Variants in KITLG observed in about 807,000 individuals in gnomAD.
KITLG encodes c-Kit ligand.
A neutral mutation model predicts 34.1 loss-of-function variants in KITLG; 13 were observed. The observed-to-expected ratio is 0.38, with a 90% CI of 0.25 to 0.61. The LOEUF (loss-of-function observed/expected upper bound fraction) is 0.61. Among genes scored for constraint, KITLG ranks in the 20% least tolerant of loss-of-function variants. The pLI is 0.60. For synonymous variants in KITLG, 110 were observed against 104.0 expected (o/e 1.06, Z -0.35); for missense variants, 292 against 318.9 (o/e 0.92, Z 0.64).
intron 1 of KITLG, among the ~76,000 whole-genome samples, chr12:88,547,309 C>T (rs1057023679): frequency 1.3e-5 from 2 of 152,118 alleles, no homozygotes; most frequent in Non-Finnish European, 1.5e-5. Context: ...AACTACAATG[C>T]TAATTACATG....
At chr12:88,567,241 A>G (rs1871473467) in intron 1 of KITLG, among the ~76,000 whole-genome samples, 2 of 152,206 alleles carry the variant, frequency 1.3e-5, no homozygotes, top group South Asian at 4.1e-4. Context: ...TGAACCCAAA[A>G]TTACTTCCCA....
rs149744229 is a variant in KITLG at position 88,540,334 on chromosome 12, A to G, written c.129+5418T>C. On this transcript the variant is annotated intron_variant, in intron 2 of 9. Transcript: ENST00000644744. ...AGTTAAGGGGTCAAACCTCTACTCAACTATTTCCCAAGTGATGATAATCAG... is the reference window on the plus strand; with the variant it reads ...AGTTAAGGGGTCAAACCTCTACTCAGCTATTTCCCAAGTGATGATAATCAG... Among the ~76,000 whole-genome samples the G allele has an allele frequency of 4.0e-3, 611 of 152,290 alleles. 1 individual carries two copies. The highest frequency in any genetic ancestry group is 9.7e-3 in the African/African-American group (403 of 41,568).
intron 8 of KITLG, 137 bp from the exon 9 acceptor site, chr12:88,505,372 C>T (rs917621486): frequency 2.9e-6 from 2 of 688,336 alleles, no homozygotes; most frequent in Admixed American, 2.3e-5. Context: ...GGGAGCCTAC[C>T]TTCTTATTAC....
intron 1 of KITLG, among the ~76,000 whole-genome samples, chr12:88,575,928 G>A (rs1230993307): frequency 6.6e-6 from 1 of 152,010 alleles, no homozygotes; most frequent in Non-Finnish European, 1.5e-5. Context: ...AAAAAAAAAT[G>A]TCACTGCACG....
rs570375727 is a variant in KITLG at position 88,524,583 on chromosome 12, C to T, written c.193-5716G>A. ...TTCATTATACTTAATTTCAGCTGCT[C>T]GTTTTTATTTATTTTTTTTTTAGTG... On this transcript the variant is annotated intron_variant, in intron 3 of 9. Transcript: ENST00000644744. Among the ~76,000 whole-genome samples, 51 of 151,592 alleles carry T rather than the reference C, an allele frequency of 3.4e-4. No homozygotes were observed. In the South Asian group the frequency reaches 1.0e-2, roughly 30 times the overall value.
chr12:88,564,084 C>A lies in KITLG; in HGVS notation c.15+16180G>T, dbSNP rs530827238. 2.6e-5 allele frequency: 4 copies of A among 152,212 alleles called. No individual in the cohort carries two copies. In the East Asian group the frequency reaches 7.7e-4, roughly 29 times the overall value. 9.4% of individuals were successfully genotyped at this position (152,212 alleles called of 1,614,324 possible). A position where few individuals can be genotyped will look rare whatever the true frequency, so the allele number is the denominator to read the frequency against. On this transcript the variant is annotated intron_variant, in intron 1 of 9. Coordinates refer to ENST00000644744, the MANE Select transcript of KITLG (RefSeq NM_000899.5). Reference sequence around the variant, plus strand: ...ATTGTTATCTCTATTTTAGAAGATTCTGACTTAACAGTTTTCTCGGTAAAT... The same window carrying A: ...ATTGTTATCTCTATTTTAGAAGATTATGACTTAACAGTTTTCTCGGTAAAT...
At chr12:88,540,397 T>C (rs1010516961) in intron 2 of KITLG, among the ~76,000 whole-genome samples, 1 of 152,136 alleles carries the variant, frequency 6.6e-6, no homozygotes, top group Admixed American at 6.6e-5. Context: ...TTCTAACCAA[T>C]ATACTGGGCT....
intron 1 of KITLG, among the ~76,000 whole-genome samples, chr12:88,547,861 A>T (rs192961532): frequency 6.6e-6 from 1 of 152,234 alleles, no homozygotes; most frequent in African/African-American, 2.4e-5. Context: ...TTTATTGAGT[A>T]TCTGGTGTAT....
intron 2 of KITLG, among the ~76,000 whole-genome samples, chr12:88,542,703 T>A (rs1479361645): frequency 1.3e-5 from 2 of 152,020 alleles, no homozygotes; most frequent in Non-Finnish European, 2.9e-5. Flanking sequence ...TACTTCTACA[T>A]AAATAACTTT....
At chr12:88,571,108 T>C (rs955084988) in intron 1 of KITLG, among the ~76,000 whole-genome samples, 5 of 152,194 alleles carry the variant, frequency 3.3e-5, no homozygotes, top group South Asian at 2.1e-4. Context: ...TGGTTTTAAT[T>C]TTTTTATTTA....
intron 1 of KITLG, among the ~76,000 whole-genome samples, chr12:88,549,736 A>G (rs1870831291): frequency 1.3e-5 from 2 of 152,212 alleles, no homozygotes; most frequent in African/African-American, 4.8e-5. Context: ...AGATATAAAT[A>G]TGATAACCTT....
chr12:88,518,553 C>A, intron 4 of KITLG, 144 bp downstream of exon 4: 2 of 657,930 alleles, frequency 3.0e-6, no homozygotes, highest in South Asian at 3.8e-5. Flanking sequence ...GTTTTCTTTG[C>A]TCATCTGAAC....
intron 2 of KITLG, among the ~76,000 whole-genome samples, chr12:88,536,764 C>A (rs1352880260): frequency 6.6e-6 from 1 of 152,086 alleles, no homozygotes; most frequent in Non-Finnish European, 1.5e-5. Context: ...TGTTCTCACT[C>A]ATAAGTGGGA....
intron 6 of KITLG, among the ~76,000 whole-genome samples, chr12:88,511,915 T>C (rs1359883637): frequency 2.0e-5 from 3 of 152,138 alleles, no homozygotes; most frequent in African/African-American, 7.2e-5. Flanking sequence ...TCGAACCTCC[T>C]ACCAAAACAC....
rs576398471 is a variant in KITLG at position 88,504,685 on chromosome 12, C to A, written c.*37+474G>T. 2.3e-4 allele frequency among the ~76,000 whole-genome samples: 35 copies of A among 152,230 alleles called. No individual in the cohort carries two copies. The South Asian group carries it at 6.6e-3, about 29-fold the overall frequency. On this transcript the variant is annotated intron_variant, in intron 9 of 9. Coordinates refer to ENST00000644744, the MANE Select transcript of KITLG (RefSeq NM_000899.5). ...TTGGTGGGACTGTAAAGTAGTTCAA[C>A]CATTGTGGAAGTCAGTGTGGTGATT...
chr12:88,524,001 T>C (rs964916742), intron 3 of KITLG, among the ~76,000 whole-genome samples: 1 of 152,206 alleles, frequency 6.6e-6, no homozygotes, highest in Non-Finnish European at 1.5e-5. Flanking sequence ...AATAGAACAG[T>C]GAAGGAACAG....
In KITLG at chr12:88,568,999, T is replaced by C. The variant is rs1031968642; in HGVS notation, c.15+11265A>G. 7.8e-4 allele frequency among the ~76,000 whole-genome samples: 119 copies of C among 152,184 alleles called. 1 individual carries two copies. Among genetic ancestry groups the C allele is most frequent in the African/African-American group, 2.8e-3 (114 of 41,444 alleles). ...GCCAGAGGTAAAATCTATATGCTTT[T>C]GACACAAAAGCCATGTTCTTTCCAT... On this transcript the variant is annotated intron_variant, in intron 1 of 9. Transcript: ENST00000644744.
At chr12:88,528,318 C>T (rs570610066) in intron 3 of KITLG, among the ~76,000 whole-genome samples, 161 of 152,176 alleles carry the variant, frequency 1.1e-3, no homozygotes, top group African/African-American at 3.7e-3. Flanking sequence ...CCTGGATAAT[C>T]CAAAATAACT....
intron 4 of KITLG, among the ~76,000 whole-genome samples, chr12:88,517,585 CAT>C (rs1273708380): frequency 1.3e-5 from 2 of 152,250 alleles, no homozygotes; most frequent in Middle Eastern, 3.4e-3. Flanking sequence ...CTCTAATGCA[CAT>C]GTTATTTCCT....
Sources: allele counts gnomAD v4.1 joint callset (sites outside exome capture counted in the v4.1 genomes callset), GRCh38; gene constraint gnomAD v4.1.1; transcripts MANE v1.5; gene names NCBI Gene and HGNC (gene_info 2026-07-23, HGNC 2026-07-21).